Variants in URB2 observed in about 807,000 individuals in gnomAD.
URB2 encodes the protein unhealthy ribosome biogenesis protein 2 homolog.
Under a neutral mutation model 120.9 loss-of-function variants are expected in URB2, and 86 were observed. The ratio of observed to expected loss-of-function variants is 0.71; its 90% CI spans 0.60 to 0.85. URB2 has a LOEUF of 0.85. URB2 is among the 40% of genes least tolerant of loss of function. URB2 has a pLI of 0.00. For synonymous variants in URB2, 755 were observed against 758.4 expected, an observed-to-expected ratio of 1.00 and a Z score of 0.07; for missense variants, 1,765 against 1,836.5, an observed-to-expected ratio of 0.96 and a Z score of 0.71.
At chr1:229,645,783 A>G (rs1395693871) in intron 5 of URB2, 76 bp from the exon 6 acceptor site, 4 of 1,246,886 alleles carry the variant, frequency 3.2e-6, no homozygotes, top group Non-Finnish European at 4.7e-6. Flanking sequence ...CCCAGAGAGC[A>G]GTCTTCTTCC....
rs764195455 is a variant in URB2 at position 229,636,108 on chromosome 1, T to C, written c.1495T>C (p.Ser499Pro). The C allele has an allele frequency of 1.9e-6, 3 of 1,614,266 alleles. No individual in the cohort carries two copies. The highest frequency in any genetic ancestry group is 2.2e-5 in the South Asian group (2 of 91,090). Residue 499 changes from serine to proline, a missense_variant, in exon 4 of 10, where the codon TCT becomes CCT. Ser to Pro is a moderately conservative substitution (Grantham distance 74). Transcript: ENST00000258243. ...VLASGPSTVL[S>P]ACLLELPPSQ... ...GGCCTCGGGCCCCTCCACGGTACTCTCTGCATGCCTCCTGGAGCTGCCTCC... is the reference window on the plus strand; with the variant it reads ...GGCCTCGGGCCCCTCCACGGTACTCCCTGCATGCCTCCTGGAGCTGCCTCC...
chr1:229,627,788 A>G (rs780638621), intron 2 of URB2, 29 bp downstream of exon 2: 1 of 1,593,550 alleles, frequency 6.3e-7, no homozygotes, highest in Non-Finnish European at 8.5e-7. Context: ...TCATATTTTT[A>G]CAGTCTGTCA....
At chr1:229,649,015 GGTAA>G (rs1666212659) in intron 7 of URB2, among the ~76,000 whole-genome samples, 2 of 152,094 alleles carry the variant, frequency 1.3e-5, no homozygotes, top group African/African-American at 4.8e-5. Context: ...GTAACACAAT[GGTAA>G]GTATTTGTGC....
intron 8 of URB2, 79 bp from the exon 9 acceptor site, chr1:229,654,170 A>C: frequency 3.2e-6 from 5 of 1,570,490 alleles, no homozygotes; most frequent in Non-Finnish European, 3.5e-6. Flanking sequence ...ATTTTCACCC[A>C]TATTAAAAGT....
At chr1:229,646,574 ATG>A (rs755578699) in intron 6 of URB2, among the ~76,000 whole-genome samples, 2 of 152,246 alleles carry the variant, frequency 1.3e-5, no homozygotes, top group African/African-American at 2.4e-5. Flanking sequence ...TAGGAGTTGT[ATG>A]TGTGTGTGTG....
Position 229,637,314 on chromosome 1 carries a change from A to G in URB2, c.2701A>G (p.Ile901Val). Residue 901 changes from isoleucine to valine, a missense_variant, in exon 4 of 10, where the codon ATT becomes GTT. By Grantham distance (29) the Ile-to-Val change is conservative (BLOSUM62 3). Transcript: ENST00000258243. Reference protein sequence around the residue: ...LESILGLLEVISALQLDSLLP... With the variant: ...LESILGLLEVVSALQLDSLLP... ...AAGCATCCTGGGGCTTTTGGAAGTG[A>G]TTTCTGCCTTACAGCTGGACAGCCT... The G allele has an allele frequency of 6.2e-7, 1 of 1,614,134 alleles. No individual in the cohort carries two copies. The highest frequency in any genetic ancestry group is 8.5e-7 in the Non-Finnish European group (1 of 1,180,036).
intron 8 of URB2, among the ~76,000 whole-genome samples, chr1:229,652,199 CA>C (rs67509550): frequency 0.55 from 81,921 of 150,042 alleles, 22,537 homozygotes; most frequent in East Asian, 0.86. Context: ...AAATAAAAAA[CA>C]AAAAAAAAAA....
chr1:229,636,741 T>G lies in URB2; in HGVS notation c.2128T>G (p.Ser710Ala). 6.2e-7 allele frequency: 1 copy of G among 1,612,144 alleles called. No homozygotes were observed. The highest frequency in any genetic ancestry group is 8.5e-7 in the Non-Finnish European group (1 of 1,178,992). ...LRCDAAFIIGSGRKSLNQRTT... is the reference protein window; with the variant it reads ...LRCDAAFIIGAGRKSLNQRTT... Reference sequence around the variant, plus strand: ...GTGCGATGCTGCCTTTATTATTGGTTCCGGCAGAAAAAGCTTGAATCAGAG... The same window carrying G: ...GTGCGATGCTGCCTTTATTATTGGTGCCGGCAGAAAAAGCTTGAATCAGAG... The change falls in exon 4 of 10, where the codon TCC (serine) becomes GCC (alanine). Residue 710 changes from serine (S) to alanine (A), a missense_variant. By Grantham distance (99) the Ser-to-Ala change is moderately conservative. Transcript: ENST00000258243.
chr1:229,633,473 T>C (rs1256645900), intron 3 of URB2, among the ~76,000 whole-genome samples: 1 of 152,208 alleles, frequency 6.6e-6, no homozygotes, highest in Non-Finnish European at 1.5e-5. Flanking sequence ...TTATTGAATA[T>C]AAATGCAGGA....
At position 229,654,307 on chromosome 1, in the gene URB2, C is replaced by T; in HGVS notation, c.4296C>T (p.Tyr1432=). The change falls in exon 9 of 10, where the codon TAC becomes TAT. Residue 1432 remains tyrosine (Y), a synonymous_variant. Transcript: ENST00000258243. ...LKCARLVERM[Y]SHIAARAEEF... is the part of the protein sequence containing the mutation. ...GTGCACGCCTGGTTGAAAGAATGTACAGCCACATCGCCGCACGAGCTGAGG... is the reference window on the plus strand; with the variant it reads ...GTGCACGCCTGGTTGAAAGAATGTATAGCCACATCGCCGCACGAGCTGAGG... The T allele has an allele frequency of 1.9e-6, 3 of 1,614,192 alleles. No homozygotes were observed. Among genetic ancestry groups the T allele is most frequent in the Non-Finnish European group, 2.5e-6 (3 of 1,180,034 alleles).
chr1:229,638,645 CAAAAA>C (rs79757347), intron 4 of URB2, among the ~76,000 whole-genome samples: 3 of 135,886 alleles, frequency 2.2e-5, no homozygotes, highest in African/African-American at 8.1e-5. Context: ...GAGTCTGTCT[CAAAAA>C]AAAAAAAAAG....
rs1666172235 is a variant in URB2, at chr1:229,647,496, A to C, written c.3907-14A>C. On this transcript the variant is annotated splice_polypyrimidine_tract_variant and intron_variant, in intron 6 of 9. Transcript: ENST00000258243. ...ATTACTTTCATTTTTCCTTTATTTT[A>C]TTTTGCCCTTTAGCTCTTAAACCGA... The C allele has an allele frequency of 6.2e-7, 1 of 1,607,956 alleles. No individual in the cohort carries two copies. Among genetic ancestry groups the C allele is most frequent in the South Asian group, 1.1e-5 (1 of 90,826 alleles).
rs1160831988 is a variant in URB2 at position 229,635,309 on chromosome 1, C to T, written c.696C>T (p.Asp232=). ...QGQLRQVLSR[D]IRSQIEAMFR... ...AGCTGAGGCAGGTGCTGAGCCGGGA[C>T]ATCAGGAGTCAGATTGAGGCCATGT... The change falls in exon 4 of 10, where the codon GAC becomes GAT. Residue 232 remains aspartate (D), a synonymous_variant. Coordinates refer to ENST00000258243, the MANE Select transcript of URB2 (RefSeq NM_014777.4). 2.5e-6 allele frequency: 4 copies of T among 1,614,150 alleles called. No homozygotes were observed. Among genetic ancestry groups the T allele is most frequent in the South Asian group, 2.2e-5 (2 of 91,072 alleles).
In URB2 at chr1:229,626,324, C is replaced by G. The variant is rs116372558; in HGVS notation, c.-46C>G. The G allele has an allele frequency of 6.5e-6, 1 of 153,316 alleles. No homozygotes were observed. The highest frequency in any genetic ancestry group is 2.4e-5 in the African/African-American group (1 of 41,488). 9.5% of individuals were successfully genotyped at this position (153,316 alleles called of 1,614,324 possible). A position where few individuals can be genotyped will look rare whatever the true frequency, so the allele number is the denominator to read the frequency against. On this transcript the variant is annotated 5_prime_UTR_variant, in exon 1 of 10. Coordinates refer to ENST00000258243, the MANE Select transcript of URB2 (RefSeq NM_014777.4). The stretch of plus-strand genomic sequence containing the variant: ...CTCCCCTGTCTACCCGGAGCTGTCT[C>G]GAGCTGAGCCCCCTACCGGGCCGGA...
In URB2 at chr1:229,636,251, G is replaced by T. The variant is rs139633192; in HGVS notation, c.1638G>T (p.Leu546=). 1.9e-5 allele frequency: 31 copies of T among 1,613,968 alleles called. No individual in the cohort carries two copies. The highest frequency in any genetic ancestry group is 2.2e-5 in the Non-Finnish European group (26 of 1,179,848). ...AATCACTGTCACTGAGCTTGCTGCT[G>T]CACTGCATCATGTTCAACATGAGGA... ...ALKSLSLSLL[L]HCIMFNMRSL... The change falls in exon 4 of 10, where the codon CTG becomes CTT. Residue 546 remains leucine, a synonymous_variant. Coordinates refer to ENST00000258243, the MANE Select transcript of URB2 (RefSeq NM_014777.4).
chr1:229,630,785 C>T (rs1043674828), intron 2 of URB2, among the ~76,000 whole-genome samples: 8 of 151,836 alleles, frequency 5.3e-5, no homozygotes, highest in East Asian at 1.9e-4. Context: ...GCCAGGCGTT[C>T]GAGACCAGTC....
chr1:229,650,620 A>G (rs1176942992), intron 7 of URB2, among the ~76,000 whole-genome samples: 1 of 152,036 alleles, frequency 6.6e-6, no homozygotes, highest in African/African-American at 2.4e-5. Context: ...TAGTAGAAAC[A>G]GGGTTTCACC....
intron 8 of URB2, among the ~76,000 whole-genome samples, chr1:229,652,068 G>GC (rs1666290165): frequency 6.6e-6 from 1 of 152,084 alleles, no homozygotes; most frequent in Non-Finnish European, 1.5e-5. Flanking sequence ...TGTAATCCGA[G>GC]CTACTTGGGA....
chr1:229,626,474 C>A (rs77040075), intron 1 of URB2, 118 bp downstream of exon 1: 8,114 of 152,842 alleles, frequency 0.053, 299 homozygotes, highest in Non-Finnish European at 0.079. Flanking sequence ...GATGGGGGGC[C>A]CCCCAACCCT....
Sources: allele counts gnomAD v4.1 joint callset (sites outside exome capture counted in the v4.1 genomes callset), GRCh38; gene constraint gnomAD v4.1.1; transcripts MANE v1.5; gene names NCBI Gene and HGNC (gene_info 2026-07-23, HGNC 2026-07-21).